GADL1: variants seen among roughly 807,000 people sequenced by gnomAD.
GADL1 encodes the protein GAD like acidic amino acid decarboxylase 1.
Under a neutral mutation model 69.5 loss-of-function variants are expected in GADL1, and 71 were observed. The observed-to-expected ratio is 1.02, with a 90% CI of 0.84 to 1.25. The LOEUF (loss-of-function observed/expected upper bound fraction) is 1.25. GADL1 is among the 50% of genes most tolerant of loss of function. GADL1 has a pLI of 0.00. For missense variants in GADL1, 737 were observed against 631.8 expected (o/e 1.17, Z -1.79); for synonymous variants, 254 against 214.4 (o/e 1.18, Z -1.62).
intron 1 of GADL1, among the ~76,000 whole-genome samples, chr3:30,880,387 G>A (rs1364959745): frequency 6.6e-6 from 1 of 151,778 alleles, no homozygotes; most frequent in Admixed American, 6.6e-5. Flanking sequence ...GCAACTGGTG[G>A]GAATTAATTG....
chr3:30,781,027 C>CT (rs1378663929), intron 13 of GADL1, among the ~76,000 whole-genome samples: 1 of 152,080 alleles, frequency 6.6e-6, no homozygotes, highest in African/African-American at 2.4e-5. Context: ...TTTTAATTGC[C>CT]TACATATGTG....
intron 1 of GADL1, among the ~76,000 whole-genome samples, chr3:30,877,390 C>A (rs776991569): frequency 3.3e-5 from 5 of 151,830 alleles, no homozygotes; most frequent in African/African-American, 1.2e-4. Context: ...TTCTAAAATT[C>A]TCTTTTTTGT....
intron 14 of GADL1, among the ~76,000 whole-genome samples, chr3:30,762,279 AAG>A (rs1258678878): frequency 6.6e-6 from 1 of 152,180 alleles, no homozygotes; most frequent in Non-Finnish European, 1.5e-5. Context: ...TAGGTGAGAA[AAG>A]AGAAGTGAGG....
intron 11 of GADL1, among the ~76,000 whole-genome samples, chr3:30,816,670 C>T (rs149562455): frequency 8.6e-5 from 13 of 150,588 alleles, no homozygotes; most frequent in Non-Finnish European, 1.6e-4. Context: ...TGCAGCCTCC[C>T]GAGTAGCTGG....
chr3:30,848,360 G>A (rs1698089136), intron 6 of GADL1, among the ~76,000 whole-genome samples: 1 of 152,196 alleles, frequency 6.6e-6, no homozygotes, highest in Admixed American at 6.5e-5. Context: ...AAAGGTCAGA[G>A]TGAGAGGAAA....
intron 14 of GADL1, among the ~76,000 whole-genome samples, chr3:30,768,377 TA>T (rs1011517086): frequency 6.6e-6 from 1 of 152,152 alleles, no homozygotes; most frequent in African/African-American, 2.4e-5. Flanking sequence ...TGAAGATTTT[TA>T]TTTTCAGGAG....
chr3:30,820,675 G>A (rs1214098348), intron 11 of GADL1, among the ~76,000 whole-genome samples: 1 of 152,124 alleles, frequency 6.6e-6, no homozygotes, highest in Non-Finnish European at 1.5e-5. Flanking sequence ...GGAAACAACA[G>A]GTGCTAGAGA....
chr3:30,821,192 G>A (rs1191953044), intron 11 of GADL1, among the ~76,000 whole-genome samples: 2 of 152,064 alleles, frequency 1.3e-5, no homozygotes, highest in Admixed American at 1.3e-4. Flanking sequence ...GAGGCGGGGA[G>A]AGAGGAGGGA....
chr3:30,793,297 G>A (rs1203920335), intron 12 of GADL1, among the ~76,000 whole-genome samples: 2 of 152,052 alleles, frequency 1.3e-5, no homozygotes. Context: ...AATGTTTTAA[G>A]TCACCTCTGC....
chr3:30,797,222 C>T (rs1697051843), intron 12 of GADL1, among the ~76,000 whole-genome samples: 1 of 152,116 alleles, frequency 6.6e-6, no homozygotes, highest in African/African-American at 2.4e-5. Flanking sequence ...AACACCCCAG[C>T]TGCTGTGATA....
chr3:30,883,312 G>A (rs1335552872), intron 1 of GADL1, among the ~76,000 whole-genome samples: 1 of 151,878 alleles, frequency 6.6e-6, no homozygotes, highest in Non-Finnish European at 1.5e-5. Flanking sequence ...TCCACTTTGA[G>A]TTGATTTCTA....
At chr3:30,890,742 T>C (rs1270920922) in intron 1 of GADL1, among the ~76,000 whole-genome samples, 1 of 152,214 alleles carries the variant, frequency 6.6e-6, no homozygotes, top group African/African-American at 2.4e-5. Flanking sequence ...CTTGGTAGCA[T>C]TGTGGAGTTG....
chr3:30,842,138 C>T (rs79721647), intron 8 of GADL1, among the ~76,000 whole-genome samples: 1 of 152,108 alleles, frequency 6.6e-6, no homozygotes, highest in Non-Finnish European at 1.5e-5. Context: ...CAACCAAATG[C>T]AATTTGTGAA....
chr3:30,823,722 G>A (rs1340440863), intron 11 of GADL1, among the ~76,000 whole-genome samples: 1 of 151,972 alleles, frequency 6.6e-6, no homozygotes, highest in African/African-American at 2.4e-5. Flanking sequence ...GTTAACAGAA[G>A]AGATGGTAAA....
intron 14 of GADL1, among the ~76,000 whole-genome samples, chr3:30,761,680 G>T (rs549260968): frequency 5.3e-5 from 8 of 149,718 alleles, no homozygotes; most frequent in Admixed American, 3.4e-4. Flanking sequence ...AAAGGAATGA[G>T]ATTTTTTTAG....
chr3:30,845,608 T>C, intron 6 of GADL1, among the ~76,000 whole-genome samples: 1 of 152,136 alleles, frequency 6.6e-6, no homozygotes, highest in East Asian at 1.9e-4. Flanking sequence ...TTCTAAATAA[T>C]TAATTTCCAA....
intron 14 of GADL1, among the ~76,000 whole-genome samples, chr3:30,771,147 G>A (rs1011359772): frequency 6.6e-6 from 1 of 152,154 alleles, no homozygotes; most frequent in African/African-American, 2.4e-5. Flanking sequence ...AACTAGAAAA[G>A]AGATTGAGCA....
At chr3:30,863,077 A>ACTCT (rs775184195) in intron 1 of GADL1, among the ~76,000 whole-genome samples, 7 of 149,004 alleles carry the variant, frequency 4.7e-5, no homozygotes, top group African/African-American at 1.5e-4. Flanking sequence ...TCACACACTC[A>ACTCT]CTCTCTCTCT....
At chr3:30,806,015 G>C (rs13327371) in intron 11 of GADL1, among the ~76,000 whole-genome samples, 33,810 of 151,696 alleles carry the variant, frequency 0.22, 3,983 homozygotes, top group African/African-American at 0.29. Context: ...ACCTCCTGCT[G>C]TGTGGCCCGG....
Sources: allele counts gnomAD v4.1 joint callset (sites outside exome capture counted in the v4.1 genomes callset), GRCh38; gene constraint gnomAD v4.1.1; transcripts MANE v1.5; gene names NCBI Gene and HGNC (gene_info 2026-07-23, HGNC 2026-07-21).